Variants in FGFR1 observed in about 807,000 individuals in gnomAD.
FGFR1 encodes the protein fibroblast growth factor receptor 1, also known as FGFR1/PLAG1 fusion.
FGFR1 carries 18 observed loss-of-function variants against 93.7 expected under a neutral mutation model. The observed-to-expected ratio is 0.19, with a 90% CI of 0.13 to 0.28. The LOEUF is 0.28. FGFR1 is among the 10% of genes least tolerant of loss of function. FGFR1 has a pLI of 1.00. For missense variants in FGFR1, 731 were observed against 1,080.4 expected (o/e 0.68, Z 4.53); for synonymous variants, 448 against 429.3 (o/e 1.04, Z -0.54).
intron 2 of FGFR1, among the ~76,000 whole-genome samples, chr8:38,448,800 C>T (rs957545629): frequency 3.9e-5 from 6 of 151,946 alleles, no homozygotes; most frequent in Admixed American, 3.9e-4. Flanking sequence ...ACAAAAAATA[C>T]AAAAATTAGC....
intron 12 of FGFR1, 107 bp from the exon 13 acceptor site, chr8:38,416,167 C>T (rs1199041156): frequency 1.1e-6 from 1 of 891,472 alleles, no homozygotes; most frequent in Non-Finnish European, 1.8e-6. Flanking sequence ...AACCTCCCAT[C>T]TCCTGCCTCC....
At chr8:38,459,974 G>C (rs959811734) in intron 1 of FGFR1, among the ~76,000 whole-genome samples, 1 of 152,144 alleles carries the variant, frequency 6.6e-6, no homozygotes, top group African/African-American at 2.4e-5. Context: ...ACCTGAGGTG[G>C]GGAGTTGAGA....
intron 13 of FGFR1, among the ~76,000 whole-genome samples, chr8:38,415,649 A>G (rs1816258612): frequency 6.6e-6 from 1 of 152,128 alleles, no homozygotes; most frequent in Non-Finnish European, 1.5e-5. Flanking sequence ...GTGGCAGTGC[A>G]CAGATCGGAC....
chr8:38,421,827 G>A lies in FGFR1; in HGVS notation c.1051C>T (p.His351Tyr), dbSNP rs1310331035. Residue 351 changes from histidine (H) to tyrosine (Y), a missense_variant, in exon 8 of 18, where the codon CAT (histidine) becomes TAT (tyrosine). His to Tyr is a moderately conservative substitution (Grantham distance 83). This residue lies in a region of FGFR1 where 146 missense variants were observed against 173.0 expected (regional missense o/e 0.84). Coordinates refer to ENST00000447712, the MANE Select transcript of FGFR1 (RefSeq NM_023110.3). ...CLAGNSIGLSHHSAWLTVLEA... is the reference protein window; with the variant it reads ...CLAGNSIGLSYHSAWLTVLEA... The stretch of plus-strand genomic sequence containing the variant: ...AGAACGGTCAACCATGCAGAGTGAT[G>A]GGAGAGTCCGATAGAGTTACCCGCC... 1.9e-6 allele frequency: 3 copies of A among 1,613,992 alleles called. No individual in the cohort carries two copies. The Admixed American group carries it at 5.0e-5, about 27-fold the overall frequency.
Position 38,413,278 on chromosome 8 carries a change from G to A in FGFR1, c.*350C>T, listed in dbSNP as rs147453318. 5.1e-6 allele frequency: 2 copies of A among 388,660 alleles called. No individual in the cohort carries two copies. Among genetic ancestry groups the A allele is most frequent in the Non-Finnish European group, 9.4e-6 (2 of 213,530 alleles). The allele number at this position is 388,660 out of a possible 1,614,324, so 24.1% of individuals were successfully genotyped here. On this transcript the variant is annotated 3_prime_UTR_variant, in exon 18 of 18. Transcript: ENST00000447712. The surrounding 1 kb of genome is among the most constrained non-coding windows in gnomAD (Gnocchi z 4.2). ...AAGGCAAAACAGACCAAACCGACAG[G>A]AGAAAGCTCAGGAAGCTCTCACTTG...
At chr8:38,459,273 T>G (rs1833783578) in intron 1 of FGFR1, among the ~76,000 whole-genome samples, 1 of 152,096 alleles carries the variant, frequency 6.6e-6, no homozygotes. Flanking sequence ...TGCCCTAATG[T>G]GGTACTTCAG....
chr8:38,414,033 G>GGCAGA lies in FGFR1; in HGVS notation c.2187-11_2187-10insTCTGC. 2 of 1,613,924 alleles carry GGCAGA rather than the reference G, an allele frequency of 1.2e-6. No individual in the cohort carries two copies. Among genetic ancestry groups the GGCAGA allele is most frequent in the African/African-American group, 1.3e-5 (1 of 75,034 alleles). ...CCGCATCATCATGTACCTGCGGCAGGACTGTAAGGTCAGGGACGTCTCCTG... is the reference window on the plus strand; with the variant it reads ...CCGCATCATCATGTACCTGCGGCAGGGCAGAACTGTAAGGTCAGGGACGTCTCCTG... On this transcript the variant is annotated splice_polypyrimidine_tract_variant and intron_variant, in intron 16 of 17. Coordinates refer to ENST00000447712, the MANE Select transcript of FGFR1 (RefSeq NM_023110.3).
rs1815116629 is a variant in FGFR1, at chr8:38,413,602, G to A, written c.*26C>T. 2.5e-6 allele frequency: 4 copies of A among 1,591,798 alleles called. No individual in the cohort carries two copies. Among genetic ancestry groups the A allele is most frequent in the Non-Finnish European group, 3.4e-6 (4 of 1,170,484 alleles). ...GGTGAGGGTTACAGCTGACGGTGGA[G>A]TCTGGGGAGGGCGTGTGGGTGGCAG... On this transcript the variant is annotated 3_prime_UTR_variant, in exon 18 of 18. Transcript: ENST00000447712. The surrounding 1 kb of genome is among the most constrained non-coding windows in gnomAD (Gnocchi z 4.2).
At position 38,415,931 on chromosome 8, in the gene FGFR1, T is replaced by G. The variant is rs1336034253; in HGVS notation, c.1793A>C (p.Lys598Thr). The change falls in exon 13 of 18, where the codon AAG becomes ACG. Residue 598 changes from lysine to threonine, a missense_variant. By Grantham distance (78) the Lys-to-Thr change is moderately conservative (BLOSUM62 -1). This residue lies in a region of FGFR1 where 39 missense variants were observed against 39.2 expected (regional missense o/e 1.00). Transcript: ENST00000447712. ...SHNPEEQLSS[K>T]DLVSCAYQVA... ...CTGGTAGGCGCAGGACACCAGGTCC[T>G]TGGAGGAGAGCTGCTCCTCTGGGTT... 3.7e-6 allele frequency: 6 copies of G among 1,613,990 alleles called. No individual in the cohort carries two copies. Among genetic ancestry groups the G allele is most frequent in the Non-Finnish European group, 5.1e-6 (6 of 1,180,040 alleles).
intron 12 of FGFR1, among the ~76,000 whole-genome samples, chr8:38,416,516 C>T (rs989605114): frequency 1.6e-5 from 2 of 128,204 alleles, no homozygotes; most frequent in Non-Finnish European, 3.1e-5. Flanking sequence ...AGTGCAATGG[C>T]GCGATCTCGG....
At chr8:38,428,237 G>T in intron 4 of FGFR1, 109 bp downstream of exon 4, 1 of 1,465,872 alleles carries the variant, frequency 6.8e-7, no homozygotes, top group Non-Finnish European at 9.6e-7. Flanking sequence ...AGCAGAACAG[G>T]CACCGTGACC....
At chr8:38,452,730 A>G (rs1182923555) in intron 2 of FGFR1, among the ~76,000 whole-genome samples, 1 of 151,994 alleles carries the variant, frequency 6.6e-6, no homozygotes, top group Non-Finnish European at 1.5e-5. Flanking sequence ...TAATCCCAGC[A>G]CTTTGGGAGG....
intron 12 of FGFR1, among the ~76,000 whole-genome samples, chr8:38,417,044 G>A (rs1816897717): frequency 6.6e-6 from 1 of 152,218 alleles, no homozygotes; most frequent in African/African-American, 2.4e-5. Context: ...ATGAGCCACT[G>A]CACCCAGCCT....
intron 2 of FGFR1, among the ~76,000 whole-genome samples, chr8:38,441,253 G>A (rs1014406703): frequency 1.3e-5 from 2 of 152,148 alleles, no homozygotes; most frequent in African/African-American, 2.4e-5. Context: ...TTCTATGCAC[G>A]GATTCATCTG....
At chr8:38,434,456 C>T (rs1824494164) in intron 2 of FGFR1, 1 of 401,946 alleles carries the variant, frequency 2.5e-6, no homozygotes, top group Admixed American at 2.6e-5. Flanking sequence ...GCTTAACAAT[C>T]TCAGAAGGAC....
chr8:38,439,333 G>A (rs1244970176), intron 2 of FGFR1, among the ~76,000 whole-genome samples: 1 of 152,136 alleles, frequency 6.6e-6, no homozygotes, highest in Admixed American at 6.5e-5. Context: ...ACAGGAGACA[G>A]CACCCTGCCT....
At chr8:38,467,750 AGCGCAGGGAGGGG>A (rs1400565026) in intron 1 of FGFR1, 1 of 231,948 alleles carries the variant, frequency 4.3e-6, no homozygotes, top group Non-Finnish European at 8.5e-6. Context: ...CGGCGGGACG[AGCGCAGGGAGGGG>A]GCGCAGGAGA....
intron 2 of FGFR1, among the ~76,000 whole-genome samples, chr8:38,453,927 C>A (rs1831910608): frequency 1.3e-5 from 2 of 152,116 alleles, no homozygotes; most frequent in South Asian, 2.1e-4. Flanking sequence ...ACAAACCCAG[C>A]TGATCTTAAA....
In FGFR1 at chr8:38,419,558, C is replaced by T. The variant is rs1289681665; in HGVS notation, c.1259G>A (p.Ser420Asn). 3 of 1,614,038 alleles carry T rather than the reference C, an allele frequency of 1.9e-6. No homozygotes were observed. In the African/African-American group the frequency reaches 4.0e-5, roughly 22 times the overall value. ...SQMAVHKLAK[S>N]IPLRRQVTVS... ...TGTTACCTGTCTGCGCAGAGGGATGCTCTTGGCCAGCTTGTGCACAGCCAT... is the reference window on the plus strand; with the variant it reads ...TGTTACCTGTCTGCGCAGAGGGATGTTCTTGGCCAGCTTGTGCACAGCCAT... The change falls in exon 9 of 18, where the codon AGC becomes AAC. Residue 420 changes from serine to asparagine, a missense_variant. Physicochemically the swap from Ser to Asn is conservative, Grantham distance 46 (BLOSUM62 1). This residue lies in a region of FGFR1 where 146 missense variants were observed against 173.0 expected (regional missense o/e 0.84). Coordinates refer to ENST00000447712, the MANE Select transcript of FGFR1 (RefSeq NM_023110.3).
Sources: allele counts gnomAD v4.1 joint callset (sites outside exome capture counted in the v4.1 genomes callset), GRCh38; gene constraint gnomAD v4.1.1; regional missense constraint gnomAD v4.1.1; non-coding constraint Gnocchi (gnomAD v3.1); transcripts MANE v1.5; gene names NCBI Gene and HGNC (gene_info 2026-07-23, HGNC 2026-07-21).